Variants in ELMO1 observed in about 807,000 individuals in gnomAD.
ELMO1 encodes engulfment and cell motility 1.
A neutral mutation model predicts 98.9 loss-of-function variants in ELMO1; 26 were observed. The observed-to-expected ratio is 0.26, with a 90% CI of 0.19 to 0.36. ELMO1 has a LOEUF of 0.36. Ranked by LOEUF, ELMO1 falls within the 10% of genes least tolerant of loss-of-function variation. The probability of loss-of-function intolerance (pLI) is 1.00; values close to 1 mark genes in which losing one functional copy is unlikely to be tolerated. For missense variants in ELMO1, 627 were observed against 935.2 expected, an observed-to-expected ratio of 0.67 and a Z score of 4.30; for synonymous variants, 346 against 346.0, an observed-to-expected ratio of 1.00 and a Z score of 0.00.
At chr7:37,316,587 A>G (rs1312495952) in intron 2 of ELMO1, among the ~76,000 whole-genome samples, 1 of 152,208 alleles carries the variant, frequency 6.6e-6, no homozygotes, top group Non-Finnish European at 1.5e-5. Context: ...GTTGTGCCTA[A>G]CAGCCACACT....
chr7:37,207,918 G>A (rs947989272), intron 13 of ELMO1, among the ~76,000 whole-genome samples: 1 of 152,158 alleles, frequency 6.6e-6, no homozygotes, highest in Non-Finnish European at 1.5e-5. Context: ...AAACTTACAA[G>A]CCACTCAGCC....
At chr7:36,895,326 A>G (rs1805902226) in intron 16 of ELMO1, among the ~76,000 whole-genome samples, 1 of 152,204 alleles carries the variant, frequency 6.6e-6, no homozygotes, top group African/African-American at 2.4e-5. Flanking sequence ...AACACTGTAA[A>G]CAATGCTAAC....
chr7:36,952,783 C>T (rs1421775159), intron 16 of ELMO1, among the ~76,000 whole-genome samples: 3 of 151,698 alleles, frequency 2.0e-5, no homozygotes, highest in African/African-American at 7.3e-5. Flanking sequence ...GTGTGAATAG[C>T]TGGGAAGGAA....
At chr7:37,002,786 G>A (rs1452661869) in intron 16 of ELMO1, among the ~76,000 whole-genome samples, 1 of 152,212 alleles carries the variant, frequency 6.6e-6, no homozygotes, top group East Asian at 1.9e-4. Flanking sequence ...GTAACTTTGA[G>A]TACCTTCTAG....
chr7:37,357,516 A>G (rs1801538598), intron 1 of ELMO1, among the ~76,000 whole-genome samples: 1 of 152,194 alleles, frequency 6.6e-6, no homozygotes. Flanking sequence ...AAACAGCAGA[A>G]CCTCAGAATG....
intron 1 of ELMO1, among the ~76,000 whole-genome samples, chr7:37,417,579 G>A (rs539816796): frequency 6.6e-6 from 1 of 152,014 alleles, no homozygotes; most frequent in Non-Finnish European, 1.5e-5. Context: ...CAGGAGAATG[G>A]CATGAACCCA....
rs764587624 is a variant in ELMO1, at chr7:37,314,904, A to C, written c.138T>G (p.His46Gln). The change falls in exon 4 of 22, where the codon CAT (histidine) becomes CAG (glutamine). Residue 46 changes from histidine to glutamine, a missense_variant. By Grantham distance (24) the His-to-Gln change is conservative. Around this residue, in one of 3 missense-constraint regions of ELMO1, gnomAD observed 123 missense variants for 171.2 expected, o/e 0.72. Transcript: ENST00000310758. ...EVCDGWSLANHEYFALQHADS... is the reference protein window; with the variant it reads ...EVCDGWSLANQEYFALQHADS... ...CGGCATGCTGGAGTGCAAAATATTC[A>C]TGGTTGGCAAGAGACCACCTTAAAA... The C allele has an allele frequency of 1.2e-6, 2 of 1,613,824 alleles. No individual in the cohort carries two copies. Among genetic ancestry groups the C allele is most frequent in the Admixed American group, 1.7e-5 (1 of 60,012 alleles).
chr7:36,929,366 T>G (rs1163440416), intron 16 of ELMO1, among the ~76,000 whole-genome samples: 4 of 152,224 alleles, frequency 2.6e-5, no homozygotes, highest in Non-Finnish European at 5.9e-5. Context: ...ATCTGAGTTT[T>G]CTGATGGAGT....
At chr7:37,121,322 T>A (rs1387386603) in intron 14 of ELMO1, among the ~76,000 whole-genome samples, 1 of 152,042 alleles carries the variant, frequency 6.6e-6, no homozygotes, top group Non-Finnish European at 1.5e-5. Context: ...CGATCAAACT[T>A]CTCTGAGCTA....
chr7:37,276,597 C>A (rs371784178), intron 4 of ELMO1, among the ~76,000 whole-genome samples: 1 of 152,122 alleles, frequency 6.6e-6, no homozygotes, highest in Non-Finnish European at 1.5e-5. Context: ...GGTGACGGAG[C>A]GAGACTCCGT....
chr7:37,119,368 A>C (rs1419541032), intron 14 of ELMO1, among the ~76,000 whole-genome samples: 1 of 152,340 alleles, frequency 6.6e-6, no homozygotes. Flanking sequence ...GAACATAGTA[A>C]AGGCTCAAAA....
At chr7:37,336,438 C>T (rs1260424269) in intron 2 of ELMO1, among the ~76,000 whole-genome samples, 1 of 152,100 alleles carries the variant, frequency 6.6e-6, no homozygotes, top group Non-Finnish European at 1.5e-5. Context: ...GCAGGCTATG[C>T]CGGTGATGGG....
chr7:37,414,431 A>T (rs1182168310), intron 1 of ELMO1, among the ~76,000 whole-genome samples: 1 of 152,208 alleles, frequency 6.6e-6, no homozygotes, highest in Non-Finnish European at 1.5e-5. Flanking sequence ...TAAATTCATT[A>T]ATCTAAATTA....
At chr7:37,015,131 T>C (rs1217449183) in intron 15 of ELMO1, among the ~76,000 whole-genome samples, 1 of 152,010 alleles carries the variant, frequency 6.6e-6, no homozygotes, top group Non-Finnish European at 1.5e-5. Flanking sequence ...GATTTGAAGA[T>C]ATGGTAATGC....
intron 16 of ELMO1, among the ~76,000 whole-genome samples, chr7:36,947,226 A>AT: frequency 6.6e-6 from 1 of 152,216 alleles, no homozygotes; most frequent in South Asian, 2.1e-4. Context: ...GCGGTATTTG[A>AT]TTTTGTTTCT....
intron 1 of ELMO1, among the ~76,000 whole-genome samples, chr7:37,356,760 T>TAAAAAAAAAAAAAAAAAAA (rs1014434132): frequency 7.4e-6 from 1 of 135,728 alleles, no homozygotes; most frequent in Admixed American, 7.3e-5. Context: ...AAAGTATAAT[T>TAAAAAAAAAAAAAAAAAAA]AAAAAAAAAA....
At chr7:37,234,653 T>C (rs1272381745) in intron 7 of ELMO1, among the ~76,000 whole-genome samples, 1 of 151,780 alleles carries the variant, frequency 6.6e-6, no homozygotes, top group Non-Finnish European at 1.5e-5. Flanking sequence ...CCTATGCTTC[T>C]CTTTCCTCAT....
At chr7:37,134,675 G>A (rs1464916509) in intron 13 of ELMO1, among the ~76,000 whole-genome samples, 1 of 151,798 alleles carries the variant, frequency 6.6e-6, no homozygotes, top group African/African-American at 2.4e-5. Context: ...GTCCACCAAT[G>A]GATGACTGGA....
chr7:37,143,863 A>AC (rs2129311596), intron 13 of ELMO1, among the ~76,000 whole-genome samples: 1 of 151,668 alleles, frequency 6.6e-6, no homozygotes, highest in Admixed American at 6.6e-5. Context: ...GGCATGCGTC[A>AC]CCATGCCTGG....
Sources: allele counts gnomAD v4.1 joint callset (sites outside exome capture counted in the v4.1 genomes callset), GRCh38; gene constraint gnomAD v4.1.1; regional missense constraint gnomAD v4.1.1; transcripts MANE v1.5; gene names NCBI Gene and HGNC (gene_info 2026-07-23, HGNC 2026-07-21).